Variants in TOP2B observed in about 807,000 individuals in gnomAD.
The protein encoded by TOP2B is DNA topoisomerase 2-beta.
Under a neutral mutation model 193.5 loss-of-function variants are expected in TOP2B, and 51 were observed. That is an observed-to-expected ratio of 0.26 (90% CI 0.21 to 0.33). The LOEUF is 0.33. Ranked by LOEUF, TOP2B falls within the 10% of genes least tolerant of loss-of-function variation. The pLI, the probability that TOP2B is intolerant of heterozygous loss-of-function variation, is 1.00. For synonymous variants in TOP2B, 634 were observed against 635.7 expected (o/e 1.00, Z 0.04); for missense variants, 1,378 against 1,909.3 (o/e 0.72, Z 5.19).
chr3:25,608,838 G>GT (rs1275427775), intron 30 of TOP2B, among the ~76,000 whole-genome samples: 16 of 152,106 alleles, frequency 1.1e-4, no homozygotes, highest in African/African-American at 3.9e-4. Context: ...GATATAAGGG[G>GT]TAGAAAACCA....
intron 16 of TOP2B, 100 bp downstream of exon 16, chr3:25,627,087 C>CA: frequency 1.2e-6 from 1 of 861,094 alleles, no homozygotes; most frequent in Non-Finnish European, 1.8e-6. Flanking sequence ...CTAGCTTGAG[C>CA]ATTCAAAAGA....
intron 1 of TOP2B, among the ~76,000 whole-genome samples, chr3:25,657,117 G>A (rs769207144): frequency 6.6e-6 from 1 of 152,104 alleles, no homozygotes; most frequent in Non-Finnish European, 1.5e-5. Context: ...ATTGCTCACT[G>A]GCTCACTAGT....
chr3:25,624,424 C>G lies in TOP2B; in HGVS notation c.2368G>C (p.Val790Leu). Residue 790 changes from valine (V) to leucine (L), a missense_variant, in exon 20 of 36, where the codon GTG becomes CTG. By Grantham distance (32) the Val-to-Leu change is conservative. Coordinates refer to ENST00000264331, the MANE Select transcript of TOP2B (RefSeq NM_001330700.2). ...CCCACAAAGTTCTGAGCCAAATTCA[C>G]AATAGTCATCATCAATGCTTGCTAT... ...HGEQALMMTIVNLAQNFVGSN... is the reference protein window; with the variant it reads ...HGEQALMMTILNLAQNFVGSN... 4 of 1,613,848 alleles carry G rather than the reference C, an allele frequency of 2.5e-6. No individual in the cohort carries two copies. The highest frequency in any genetic ancestry group is 3.4e-6 in the Non-Finnish European group (4 of 1,179,828).
intron 30 of TOP2B, among the ~76,000 whole-genome samples, chr3:25,608,835 G>A (rs1702298652): frequency 6.6e-6 from 1 of 152,088 alleles, no homozygotes; most frequent in Non-Finnish European, 1.5e-5. Context: ...CATGATATAA[G>A]GGGTAGAAAA....
chr3:25,635,263 TCCCAC>T (rs1170434421), intron 7 of TOP2B, among the ~76,000 whole-genome samples: 1 of 151,984 alleles, frequency 6.6e-6, no homozygotes, highest in Non-Finnish European at 1.5e-5. Context: ...ATAACCTAAG[TCCCAC>T]ACTAATGCTT....
chr3:25,613,372 C>G (rs1702428331), intron 27 of TOP2B, among the ~76,000 whole-genome samples: 1 of 151,940 alleles, frequency 6.6e-6, no homozygotes, highest in African/African-American at 2.4e-5. Flanking sequence ...TAGAAATTAC[C>G]CAAGCTTTGA....
At chr3:25,626,261 A>C (rs1169909775) in intron 18 of TOP2B, among the ~76,000 whole-genome samples, 1 of 152,174 alleles carries the variant, frequency 6.6e-6, no homozygotes, top group Admixed American at 6.5e-5. Context: ...GTTCCATTTT[A>C]CTTTTTTAGA....
chr3:25,633,532 C>G (rs1422118282), intron 8 of TOP2B, among the ~76,000 whole-genome samples: 1 of 152,084 alleles, frequency 6.6e-6, no homozygotes, highest in African/African-American at 2.4e-5. Flanking sequence ...CCCCTCTCCT[C>G]TCCCCAGAGG....
At chr3:25,609,774 T>C in intron 28 of TOP2B, 62 bp from the exon 29 acceptor site, 2 of 1,405,056 alleles carry the variant, frequency 1.4e-6, no homozygotes, top group Non-Finnish European at 1.9e-6. Context: ...ATTTTAGAGA[T>C]AGTTTCAATC....
At chr3:25,606,165 T>C in intron 31 of TOP2B, 43 bp from the exon 32 acceptor site, 1 of 946,582 alleles carries the variant, frequency 1.1e-6, no homozygotes, top group Non-Finnish European at 1.5e-6. Flanking sequence ...ACAATTTAAA[T>C]ATCTGATTTC....
At chr3:25,609,824 T>C (rs1230497114) in intron 28 of TOP2B, 112 bp from the exon 29 acceptor site, 59 of 1,066,092 alleles carry the variant, frequency 5.5e-5, no homozygotes, top group Non-Finnish European at 3.7e-5. Context: ...TTAAAAACAG[T>C]GATTCTGATG....
Position 25,599,498 on chromosome 3 carries a change from T to C in TOP2B, c.4647A>G (p.Ala1549=), listed in dbSNP as rs781557990. 8 of 1,613,492 alleles carry C rather than the reference T, an allele frequency of 5.0e-6. No homozygotes were observed. Among genetic ancestry groups the C allele is most frequent in the Non-Finnish European group, 6.8e-6 (8 of 1,179,670 alleles). The change falls in exon 35 of 36, where the codon GCA becomes GCG. Residue 1549 remains alanine, a synonymous_variant. Coordinates refer to ENST00000264331, the MANE Select transcript of TOP2B (RefSeq NM_001330700.2). ...GKGRGAKKRK[A]SGSENEGDYN... ...AATCGCCTTCATTTTCAGAGCCAGA[T>C]GCTTTCCTTTTCTTTGCCCCTCGGC...
chr3:25,598,076 G>GTCTA lies in TOP2B; in HGVS notation c.*227_*230dup. Reference sequence around the variant, plus strand: ...TTAAAATCTGTGCTAATGCACGGCAGTCTATAACAATTCTACAAGCCAATC... The same window carrying GTCTA: ...TTAAAATCTGTGCTAATGCACGGCAGTCTATCTATAACAATTCTACAAGCCAATC... On this transcript the variant is annotated 3_prime_UTR_variant, in exon 36 of 36. Transcript: ENST00000264331. The GTCTA allele has an allele frequency of 5.6e-6, 2 of 354,236 alleles. No individual in the cohort carries two copies. The highest frequency in any genetic ancestry group is 1.0e-5 in the Non-Finnish European group (2 of 197,322). The allele number at this position is 354,236 out of a possible 1,614,324, so 21.9% of individuals were successfully genotyped here.
intron 1 of TOP2B, among the ~76,000 whole-genome samples, chr3:25,649,584 G>A (rs1343561562): frequency 4.8e-5 from 7 of 144,848 alleles, no homozygotes; most frequent in Admixed American, 1.4e-4. Flanking sequence ...GAAGGGATTG[G>A]AAGAATATAT....
intron 34 of TOP2B, 144 bp downstream of exon 34, chr3:25,600,956 G>A (rs1378835463): frequency 1.3e-6 from 1 of 783,168 alleles, no homozygotes; most frequent in African/African-American, 1.8e-5. Context: ...ATTCAGCACT[G>A]ATTCCTAGAC....
In TOP2B at chr3:25,629,203, A is replaced by G. The variant is rs1057304033; in HGVS notation, c.1690-58T>C. The G allele has an allele frequency of 3.2e-6, 4 of 1,237,212 alleles. No homozygotes were observed. In the East Asian group the frequency reaches 1.1e-4, roughly 33 times the overall value. 76.6% of individuals were successfully genotyped at this position (1,237,212 alleles called of 1,614,324 possible). On this transcript the variant is annotated intron_variant, in intron 13 of 35. Transcript: ENST00000264331. Reference sequence around the variant, plus strand: ...TAATACTTTTATAAAATGATTACTTATATAAACAAATTTTAAAACGTGAAT... The same window carrying G: ...TAATACTTTTATAAAATGATTACTTGTATAAACAAATTTTAAAACGTGAAT...
intron 19 of TOP2B, 98 bp downstream of exon 19, chr3:25,624,584 A>G (rs1483892379): frequency 6.5e-7 from 1 of 1,542,290 alleles, no homozygotes; most frequent in East Asian, 2.3e-5. Flanking sequence ...ATTCTTTTAC[A>G]TTTCCAAAGA....
intron 28 of TOP2B, among the ~76,000 whole-genome samples, chr3:25,611,227 G>C (rs1702361043): frequency 6.6e-6 from 1 of 152,174 alleles, no homozygotes; most frequent in Admixed American, 6.5e-5. Context: ...AGAAAAGAAT[G>C]CTGAGAAATG....
Position 25,601,100 on chromosome 3 carries a change from CT to C in TOP2B, c.4614del (p.Gly1539ValfsTer69). The C allele has an allele frequency of 6.2e-7, 1 of 1,613,202 alleles. No individual in the cohort carries two copies. On this transcript the variant is annotated frameshift_variant and splice_region_variant, in exon 34 of 36. Transcript: ENST00000264331. LOFTEE classifies it high-confidence loss of function. ...FGIPKKTTTPKGKGRGAKKRK... is the reference protein window; with the variant it reads ...FGIPKKTTTPXGKGRGAKKRK... ...AGGGTTATAAGAAGATAATCCTCAC[CT>C]TTTGGTGTTGTAGTCTTCTTTGGAA...
Sources: allele counts gnomAD v4.1 joint callset (sites outside exome capture counted in the v4.1 genomes callset), GRCh38; gene constraint gnomAD v4.1.1; transcripts MANE v1.5; gene names NCBI Gene and HGNC (gene_info 2026-07-23, HGNC 2026-07-21).